Variants in KDM4C observed in about 807,000 individuals in gnomAD.
KDM4C encodes the protein lysine-specific demethylase 4C.
A neutral mutation model predicts 129.3 loss-of-function variants in KDM4C; 81 were observed. That is an observed-to-expected ratio of 0.63 (90% CI 0.52 to 0.75). KDM4C has a LOEUF of 0.75. Among genes scored for constraint, KDM4C ranks in the 30% least tolerant of loss-of-function variants. The probability of loss-of-function intolerance (pLI) is 0.00; values close to 1 mark genes in which losing one functional copy is unlikely to be tolerated. For synonymous variants in KDM4C, 573 were observed against 456.1 expected (o/e 1.26, Z -3.26); for missense variants, 1,457 against 1,304.0 (o/e 1.12, Z -1.81).
At chr9:6,963,653 G>A (rs931714964) in intron 8 of KDM4C, among the ~76,000 whole-genome samples, 3 of 152,212 alleles carry the variant, frequency 2.0e-5, no homozygotes, top group African/African-American at 7.2e-5. Context: ...AGTTGATACT[G>A]ATGGTTTCAT....
intron 2 of KDM4C, among the ~76,000 whole-genome samples, chr9:6,804,809 A>T (rs188129263): frequency 6.6e-6 from 1 of 152,216 alleles, no homozygotes; most frequent in Non-Finnish European, 1.5e-5. Flanking sequence ...TATTTTTCTC[A>T]TAATAATATA....
chr9:6,925,831 C>T (rs1822391590), intron 8 of KDM4C, among the ~76,000 whole-genome samples: 1 of 152,088 alleles, frequency 6.6e-6, no homozygotes, highest in Admixed American at 6.5e-5. Context: ...TGATGTGGTA[C>T]TACCTCTTGT....
rs116134124 is a variant in KDM4C at position 6,864,199 on chromosome 9, A to G, written c.629+14499A>G. On this transcript the variant is annotated intron_variant, in intron 5 of 21. Transcript: ENST00000381309. ...TTGTAAGATGGGTCTGGTGATGGCA[A>G]ATTCTCTCAGCTTTCATTTATCTGG... 3.8e-3 allele frequency among the ~76,000 whole-genome samples: 578 copies of G among 152,222 alleles called. 6 individuals are homozygous for G. Among genetic ancestry groups the G allele is most frequent in the South Asian group, 0.03 (144 of 4,822 alleles).
intron 16 of KDM4C, among the ~76,000 whole-genome samples, chr9:7,047,152 T>TG (rs2132532601): frequency 6.6e-6 from 1 of 152,096 alleles, no homozygotes; most frequent in South Asian, 2.1e-4. Flanking sequence ...CCATGAAAAA[T>TG]AACCCCTCTT....
intron 8 of KDM4C, among the ~76,000 whole-genome samples, chr9:6,929,391 C>A (rs1262831992): frequency 6.6e-6 from 1 of 151,766 alleles, no homozygotes; most frequent in East Asian, 1.9e-4. Flanking sequence ...CTTCCATTTC[C>A]AAATTAATAT....
chr9:6,787,751 C>T (rs536480848), intron 1 of KDM4C, among the ~76,000 whole-genome samples: 1 of 152,310 alleles, frequency 6.6e-6, no homozygotes, highest in South Asian at 2.1e-4. Context: ...ACACAAGAGC[C>T]AGAATGTGAT....
chr9:7,111,053 C>T (rs1838262437), intron 18 of KDM4C, among the ~76,000 whole-genome samples: 2 of 152,120 alleles, frequency 1.3e-5, no homozygotes, highest in African/African-American at 2.4e-5. Flanking sequence ...TAAACTTCTC[C>T]ATCCGACTTC....
chr9:6,810,011 A>T (rs1044984080), intron 3 of KDM4C, among the ~76,000 whole-genome samples: 3 of 151,438 alleles, frequency 2.0e-5, no homozygotes, highest in Non-Finnish European at 4.4e-5. Context: ...ATAAAATTTC[A>T]AATATAGCCA....
intron 17 of KDM4C, among the ~76,000 whole-genome samples, chr9:7,088,985 A>G (rs1261344239): frequency 6.6e-6 from 1 of 152,184 alleles, no homozygotes; most frequent in African/African-American, 2.4e-5. Context: ...ACTTAAATGA[A>G]ATCATTACTT....
intron 8 of KDM4C, among the ~76,000 whole-genome samples, chr9:6,902,291 CT>C (rs974166472): frequency 6.6e-6 from 1 of 151,994 alleles, no homozygotes; most frequent in African/African-American, 2.4e-5. Flanking sequence ...CCCAGTAGTA[CT>C]TTTAAGGGGA....
chr9:6,922,408 C>G (rs1191153570), intron 8 of KDM4C, among the ~76,000 whole-genome samples: 1 of 152,126 alleles, frequency 6.6e-6, no homozygotes, highest in Non-Finnish European at 1.5e-5. Flanking sequence ...TTTTCCCCCC[C>G]ATTAAAAGAA....
At chr9:7,012,016 A>C in intron 13 of KDM4C, 137 bp downstream of exon 13, 1 of 648,614 alleles carries the variant, frequency 1.5e-6, no homozygotes, top group East Asian at 2.7e-5. Flanking sequence ...GATGGCTTTC[A>C]TAGAACCACA....
chr9:6,836,058 G>A (rs550824045), intron 4 of KDM4C, among the ~76,000 whole-genome samples: 1 of 152,062 alleles, frequency 6.6e-6, no homozygotes, highest in Admixed American at 6.6e-5. Flanking sequence ...TTGTCCCCCA[G>A]CTTGAGATGT....
At chr9:6,803,359 T>C (rs1175866776) in intron 2 of KDM4C, among the ~76,000 whole-genome samples, 2 of 151,920 alleles carry the variant, frequency 1.3e-5, no homozygotes, top group Non-Finnish European at 2.9e-5. Context: ...GATCACGCTG[T>C]CAAGAGATCG....
At chr9:7,103,605 T>C in intron 17 of KDM4C, 80 bp from the exon 18 acceptor site, 1 of 962,656 alleles carries the variant, frequency 1.0e-6, no homozygotes, top group Non-Finnish European at 1.6e-6. Flanking sequence ...TCTTCTCTAG[T>C]AGCTATTGTT....
intron 8 of KDM4C, among the ~76,000 whole-genome samples, chr9:6,972,272 CAT>C (rs1255872978): frequency 1.3e-5 from 2 of 151,408 alleles, no homozygotes; most frequent in Non-Finnish European, 2.9e-5. Context: ...TATATACACA[CAT>C]ATGTATATAA....
chr9:6,899,500 T>C (rs1349141605), intron 8 of KDM4C, among the ~76,000 whole-genome samples: 1 of 151,422 alleles, frequency 6.6e-6, no homozygotes, highest in Non-Finnish European at 1.5e-5. Flanking sequence ...TCATACAGAG[T>C]GGTTTCACTG....
intron 18 of KDM4C, among the ~76,000 whole-genome samples, chr9:7,117,016 G>A (rs576744514): frequency 6.6e-6 from 1 of 152,242 alleles, no homozygotes; most frequent in South Asian, 2.1e-4. Flanking sequence ...GTCATTTGAT[G>A]TTCATAGTAA....
At chr9:7,160,889 C>T (rs186214420) in intron 19 of KDM4C, among the ~76,000 whole-genome samples, 4 of 152,210 alleles carry the variant, frequency 2.6e-5, no homozygotes, top group Non-Finnish European at 5.9e-5. Context: ...AAGTTTAAGT[C>T]TGCAGAAGTT....
Sources: allele counts gnomAD v4.1 joint callset (sites outside exome capture counted in the v4.1 genomes callset), GRCh38; gene constraint gnomAD v4.1.1; transcripts MANE v1.5; gene names NCBI Gene and HGNC (gene_info 2026-07-23, HGNC 2026-07-21).